The following CCBE1 variants were observed in gnomAD, a reference collection of about 807,000 sequenced individuals.
CCBE1 encodes collagen and calcium-binding EGF domain-containing protein 1.
A neutral mutation model predicts 50.0 loss-of-function variants in CCBE1; 37 were observed. That is an observed-to-expected ratio of 0.74 (90% CI 0.57 to 0.97). CCBE1 has a LOEUF of 0.97. CCBE1 is among the 50% of genes least tolerant of loss of function. The pLI, the probability that CCBE1 is intolerant of heterozygous loss-of-function variation, is 0.00. For missense variants in CCBE1, 538 were observed against 523.8 expected, an observed-to-expected ratio of 1.03 and a Z score of -0.26; for synonymous variants, 234 against 203.7, an observed-to-expected ratio of 1.15 and a Z score of -1.27.
At chr18:59,552,046 A>T (rs747515252) in intron 2 of CCBE1, among the ~76,000 whole-genome samples, 2 of 152,210 alleles carry the variant, frequency 1.3e-5, no homozygotes, top group Admixed American at 1.3e-4. Flanking sequence ...GATGGAGGGT[A>T]TAAGATGGCC....
intron 5 of CCBE1, among the ~76,000 whole-genome samples, chr18:59,463,260 C>T (rs1251208541): frequency 6.6e-6 from 1 of 152,198 alleles, no homozygotes; most frequent in Non-Finnish European, 1.5e-5. Context: ...CTCACCAGGG[C>T]AGACCTTGTC....
intron 2 of CCBE1, among the ~76,000 whole-genome samples, chr18:59,531,352 T>G (rs912864204): frequency 6.6e-6 from 1 of 152,082 alleles, no homozygotes; most frequent in Non-Finnish European, 1.5e-5. Flanking sequence ...ACATGTGATC[T>G]TTTTTTCCTC....
At chr18:59,625,583 G>A (rs2144615397) in intron 2 of CCBE1, among the ~76,000 whole-genome samples, 1 of 152,290 alleles carries the variant, frequency 6.6e-6, no homozygotes, top group Non-Finnish European at 1.5e-5. Context: ...CAAGGAGACT[G>A]AATTAGTTCT....
chr18:59,561,812 T>C (rs904937644), intron 2 of CCBE1, among the ~76,000 whole-genome samples: 6 of 152,170 alleles, frequency 3.9e-5, no homozygotes, highest in Admixed American at 6.5e-5. Flanking sequence ...GCTGTGCAGC[T>C]GTGTGTGAGG....
chr18:59,697,071 C>T (rs1021419280), intron 1 of CCBE1, 141 bp downstream of exon 1: 1 of 1,190,338 alleles, frequency 8.4e-7, no homozygotes, highest in Admixed American at 2.1e-5. Flanking sequence ...CCCAGGACAG[C>T]TGAGCACTCT....
At chr18:59,681,054 A>G (rs2054583402) in intron 2 of CCBE1, among the ~76,000 whole-genome samples, 1 of 152,054 alleles carries the variant, frequency 6.6e-6, no homozygotes, top group Non-Finnish European at 1.5e-5. Context: ...GCTGAGAAAA[A>G]AAAAAAAAAA....
chr18:59,524,351 A>G (rs969735706), intron 2 of CCBE1, among the ~76,000 whole-genome samples: 2 of 152,138 alleles, frequency 1.3e-5, no homozygotes, highest in Non-Finnish European at 2.9e-5. Context: ...GAAAAACCCT[A>G]TTATTCAAAA....
intron 2 of CCBE1, among the ~76,000 whole-genome samples, chr18:59,605,002 C>A (rs1381914008): frequency 6.6e-6 from 1 of 152,202 alleles, no homozygotes; most frequent in Non-Finnish European, 1.5e-5. Context: ...TCACTGCCAC[C>A]TACACCGTGT....
intron 2 of CCBE1, among the ~76,000 whole-genome samples, chr18:59,612,118 T>TG (rs2053576677): frequency 6.6e-6 from 1 of 152,134 alleles, no homozygotes; most frequent in Admixed American, 6.5e-5. Flanking sequence ...AACAAGTCTT[T>TG]GCACATTTTT....
At chr18:59,595,123 A>G (rs1235567905) in intron 2 of CCBE1, among the ~76,000 whole-genome samples, 1 of 151,682 alleles carries the variant, frequency 6.6e-6, no homozygotes, top group Non-Finnish European at 1.5e-5. Context: ...TCAAAAAAAA[A>G]AAAAAAAAAA....
intron 2 of CCBE1, among the ~76,000 whole-genome samples, chr18:59,629,600 T>A (rs1473829124): frequency 2.6e-5 from 4 of 152,192 alleles, no homozygotes; most frequent in Non-Finnish European, 5.9e-5. Context: ...AAAGGAGTGG[T>A]AACGGGAAGT....
intron 2 of CCBE1, among the ~76,000 whole-genome samples, chr18:59,564,288 C>T (rs2052784769): frequency 6.6e-6 from 1 of 152,158 alleles, no homozygotes; most frequent in Non-Finnish European, 1.5e-5. Flanking sequence ...TCTAGACAAT[C>T]GTCATTTGAC....
chr18:59,438,203 G>GTC, intron 9 of CCBE1, 57 bp from the exon 10 acceptor site: 1 of 1,494,790 alleles, frequency 6.7e-7, no homozygotes, highest in Admixed American at 1.7e-5. Flanking sequence ...CACAAGAATA[G>GTC]TCTCTATTTA....
chr18:59,496,257 A>C (rs1407603979), intron 2 of CCBE1, among the ~76,000 whole-genome samples: 2 of 152,192 alleles, frequency 1.3e-5, no homozygotes, highest in Non-Finnish European at 2.9e-5. Flanking sequence ...CTAATTGACC[A>C]TGAACACCTA....
intron 6 of CCBE1, among the ~76,000 whole-genome samples, chr18:59,454,310 T>A (rs990831573): frequency 6.6e-6 from 1 of 152,170 alleles, no homozygotes; most frequent in Admixed American, 6.5e-5. Flanking sequence ...AATGGAGTGG[T>A]CCCAGCTCAC....
chr18:59,449,106 T>G (rs1220646774), intron 6 of CCBE1, among the ~76,000 whole-genome samples: 1 of 152,202 alleles, frequency 6.6e-6, no homozygotes, highest in Non-Finnish European at 1.5e-5. Context: ...AACTGAAATG[T>G]GGGTCCCACT....
At chr18:59,517,092 C>T (rs1914406697) in intron 2 of CCBE1, among the ~76,000 whole-genome samples, 1 of 152,182 alleles carries the variant, frequency 6.6e-6, no homozygotes, top group South Asian at 2.1e-4. Flanking sequence ...CTTAGTGTGG[C>T]ACAGCAGGTG....
intron 3 of CCBE1, among the ~76,000 whole-genome samples, chr18:59,471,281 C>T (rs1430123960): frequency 6.6e-6 from 1 of 152,240 alleles, no homozygotes; most frequent in African/African-American, 2.4e-5. Flanking sequence ...ATACTCACTT[C>T]TGCATCTCTA....
At chr18:59,590,630 C>T (rs1047847202) in intron 2 of CCBE1, among the ~76,000 whole-genome samples, 1 of 152,128 alleles carries the variant, frequency 6.6e-6, no homozygotes, top group South Asian at 2.1e-4. Flanking sequence ...ACAACCGCAT[C>T]TTAAGTTAAA....
Sources: gnomAD v4.1 joint callset for allele counts (sites outside exome capture counted in the v4.1 genomes callset) on GRCh38, gnomAD v4.1.1 for gene constraint, MANE v1.5 for transcripts, NCBI Gene and HGNC (gene_info 2026-07-23, HGNC 2026-07-21) for gene names.